BRWD3: variants seen among roughly 807,000 people sequenced by gnomAD.
The protein encoded by BRWD3 is bromodomain and WD repeat-containing protein 3.
BRWD3 carries 10 observed loss-of-function variants against 149.7 expected under a neutral mutation model. The ratio of observed to expected loss-of-function variants is 0.07; its 90% confidence interval spans 0.04 to 0.11. The LOEUF (loss-of-function observed/expected upper bound fraction) is 0.11, where lower values mean the gene tolerates loss of function less well. Ranked by LOEUF, BRWD3 falls within the 10% of genes least tolerant of loss-of-function variation. The probability of loss-of-function intolerance (pLI) is 1.00; values close to 1 mark genes in which losing one functional copy is unlikely to be tolerated. For missense variants in BRWD3, 940 were observed against 1,373.2 expected (o/e 0.68, Z 4.99); for synonymous variants, 504 against 456.7 (o/e 1.10, Z -1.32).
At chrX:80,754,190 C>T (rs2147803929) in intron 6 of BRWD3, among the ~76,000 whole-genome samples, 1 of 111,950 alleles carries the variant, frequency 8.9e-6, no homozygotes, top group Non-Finnish European at 1.9e-5. Context: ...TCTACAATTT[C>T]CTAAGTGTTC....
intron 6 of BRWD3, among the ~76,000 whole-genome samples, chrX:80,764,604 C>T (rs764738948): frequency 3.1e-4 from 34 of 110,498 alleles, no homozygotes; most frequent in African/African-American, 9.9e-4. Context: ...TGAGCCACCG[C>T]GCCCAGCCTT....
intron 6 of BRWD3, among the ~76,000 whole-genome samples, chrX:80,789,634 C>T (rs923996191): frequency 3.6e-5 from 4 of 110,609 alleles, no homozygotes; most frequent in African/African-American, 1.3e-4. Flanking sequence ...CCTCGGCCTC[C>T]CAAAGTGCTG....
chrX:80,735,048 CT>C (rs999419241), intron 10 of BRWD3, 78 bp downstream of exon 10: 10 of 899,836 alleles, frequency 1.1e-5, no homozygotes, highest in Non-Finnish European at 1.3e-5. Context: ...AAATGTGTAT[CT>C]TTTTTCTTCA....
In BRWD3 at chrX:80,709,571, A is replaced by G; in HGVS notation, c.2332T>C (p.Tyr778His). 8.3e-7 allele frequency: 1 copy of G among 1,208,777 alleles called. No homozygotes were observed. Among genetic ancestry groups the G allele is most frequent in the Non-Finnish European group, 1.1e-6 (1 of 893,571 alleles). The change falls in exon 21 of 41, where the codon TAT (tyrosine) becomes CAT (histidine). Residue 778 changes from tyrosine to histidine, a missense_variant. Tyr to His is a moderately conservative substitution (Grantham distance 83, BLOSUM62 2). This residue lies in a region of BRWD3 where 103 missense variants were observed against 103.2 expected (regional missense o/e 1.00). Transcript: ENST00000373275. ...KPSYTTQRNDYEPSCGRSLRR... is the reference protein window; with the variant it reads ...KPSYTTQRNDHEPSCGRSLRR... ...AAAGAACGCCCACAGCTAGGCTCAT[A>G]ATCATTCTGTAAAAGAGAAGAATAA...
intron 6 of BRWD3, among the ~76,000 whole-genome samples, chrX:80,785,548 G>A (rs2074099947): frequency 9.0e-6 from 1 of 111,284 alleles, no homozygotes; most frequent in Non-Finnish European, 1.9e-5. Context: ...TACGAACGAC[G>A]GAAACATTTG....
At chrX:80,688,802 A>G (rs1480064013) in intron 33 of BRWD3, among the ~76,000 whole-genome samples, 1 of 111,231 alleles carries the variant, frequency 9.0e-6, no homozygotes, top group Non-Finnish European at 1.9e-5. Context: ...AAACTAAAAT[A>G]TATTTATGTG....
chrX:80,716,263 C>G lies in BRWD3; in HGVS notation c.2232-13G>C. The G allele has an allele frequency of 8.9e-7, 1 of 1,124,269 alleles. No homozygotes were observed. The allele number at this position is 1,124,269 out of a possible 1,213,427, so 92.7% of individuals were successfully genotyped here. A position where few individuals can be genotyped will look rare whatever the true frequency, so the allele number is the denominator to read the frequency against. The stretch of plus-strand genomic sequence containing the variant: ...TTCTTCCTGTACCCTAATAACAAGT[C>G]AAAGGTCAAAGTAACAGAAAATCAA... On this transcript the variant is annotated splice_polypyrimidine_tract_variant and intron_variant, in intron 19 of 40. Coordinates refer to ENST00000373275, the MANE Select transcript of BRWD3 (RefSeq NM_153252.5).
intron 6 of BRWD3, among the ~76,000 whole-genome samples, chrX:80,760,503 T>C (rs1303984812): frequency 1.8e-5 from 2 of 112,156 alleles, no homozygotes; most frequent in African/African-American, 6.5e-5. Flanking sequence ...GAACACTGAA[T>C]GGACTTTGAA....
At chrX:80,781,543 C>T (rs772170179) in intron 6 of BRWD3, among the ~76,000 whole-genome samples, 36 of 110,709 alleles carry the variant, frequency 3.3e-4, no homozygotes, top group East Asian at 8.5e-4. Flanking sequence ...GGAGGTTGGC[C>T]GATGACTGCT....
chrX:80,709,887 G>A, intron 20 of BRWD3: 1 of 627,304 alleles, frequency 1.6e-6, no homozygotes, highest in Non-Finnish European at 2.6e-6. Context: ...TTGATCCTCA[G>A]TTTTGCCAGA....
chrX:80,748,670 T>C (rs2073626228), intron 6 of BRWD3, among the ~76,000 whole-genome samples: 1 of 111,150 alleles, frequency 9.0e-6, no homozygotes, highest in African/African-American at 3.3e-5. Context: ...ATTGTTTACC[T>C]TTTTAACAAA....
rs1351272982 is a variant in BRWD3 at position 80,691,248 on chromosome X, A to G, written c.3482-75T>C. The G allele has an allele frequency of 1.0e-5, 11 of 1,060,410 alleles. No individual in the cohort carries two copies. In the Admixed American group the frequency reaches 2.2e-4, roughly 21 times the overall value. 87.4% of individuals were successfully genotyped at this position (1,060,410 alleles called of 1,213,427 possible). A position where few individuals can be genotyped will look rare whatever the true frequency, so the allele number is the denominator to read the frequency against. Reference sequence around the variant, plus strand: ...CTCATGGTAACAAACATTTATTCATATATAAACAAGAAGGGAGGGTGATAT... The same window carrying G: ...CTCATGGTAACAAACATTTATTCATGTATAAACAAGAAGGGAGGGTGATAT... On this transcript the variant is annotated intron_variant, in intron 30 of 40. Coordinates refer to ENST00000373275, the MANE Select transcript of BRWD3 (RefSeq NM_153252.5).
chrX:80,708,743 G>C (rs941130303), intron 21 of BRWD3, among the ~76,000 whole-genome samples: 1 of 110,147 alleles, frequency 9.1e-6, no homozygotes, highest in African/African-American at 3.3e-5. Flanking sequence ...TTGAACCCAG[G>C]AGGCAGAGGT....
At chrX:80,795,117 A>G (rs1220491296) in intron 4 of BRWD3, among the ~76,000 whole-genome samples, 1 of 111,754 alleles carries the variant, frequency 8.9e-6, no homozygotes, top group South Asian at 3.7e-4. Context: ...CCATATATAG[A>G]TAAGAATGAA....
chrX:80,720,293 C>T (rs1179369189), intron 17 of BRWD3, among the ~76,000 whole-genome samples: 1 of 111,244 alleles, frequency 9.0e-6, no homozygotes, highest in Non-Finnish European at 1.9e-5. Context: ...ATAACAGCTC[C>T]ATATTGCCCC....
At chrX:80,802,397 G>C (rs949762673) in intron 4 of BRWD3, among the ~76,000 whole-genome samples, 1 of 91,620 alleles carries the variant, frequency 1.1e-5, no homozygotes, top group Non-Finnish European at 2.1e-5. Context: ...AGCCAAGATC[G>C]CACCACTGCA....
At chrX:80,706,477 T>C (rs1457896547) in intron 22 of BRWD3, among the ~76,000 whole-genome samples, 1 of 111,910 alleles carries the variant, frequency 8.9e-6, no homozygotes, top group Admixed American at 9.5e-5. Flanking sequence ...TTTTTTTATT[T>C]TAAAATTTTG....
At chrX:80,809,175 C>T (rs2074383416) in intron 2 of BRWD3, 71 bp downstream of exon 2, 2 of 1,144,964 alleles carry the variant, frequency 1.7e-6, no homozygotes, top group South Asian at 1.9e-5. Context: ...AACGGAACTG[C>T]TCGTCCCGCT....
chrX:80,705,032 C>A (rs903508273), intron 22 of BRWD3, among the ~76,000 whole-genome samples, 186 bp from the exon 23 acceptor site: 7 of 111,449 alleles, frequency 6.3e-5, no homozygotes, highest in Admixed American at 9.6e-5. Flanking sequence ...CTCTGGGAGG[C>A]CAAGATGGGC....
Sources: gnomAD v4.1 joint callset for allele counts (sites outside exome capture counted in the v4.1 genomes callset) on GRCh38, gnomAD v4.1.1 for gene constraint, gnomAD v4.1.1 regional missense constraint, MANE v1.5 for transcripts, NCBI Gene and HGNC (gene_info 2026-07-23, HGNC 2026-07-21) for gene names.